CCDC38: variants seen among roughly 807,000 people sequenced by gnomAD.
CCDC38 encodes the protein coiled-coil domain containing 38, also known as coiled-coil domain-containing protein 38.
A neutral mutation model predicts 72.8 loss-of-function variants in CCDC38; 69 were observed. The ratio of observed to expected loss-of-function variants is 0.95; its 90% CI spans 0.78 to 1.16. The LOEUF (loss-of-function observed/expected upper bound fraction) is 1.16, where lower values mean the gene tolerates loss of function less well. Among genes scored for constraint, CCDC38 ranks in the 50% most tolerant of loss-of-function variants. The pLI, the probability that CCDC38 is intolerant of heterozygous loss-of-function variation, is 0.00. For missense variants in CCDC38, 626 were observed against 638.9 expected (o/e 0.98, Z 0.22); for synonymous variants, 201 against 213.2 (o/e 0.94, Z 0.50).
chr12:95,890,689 G>T, intron 9 of CCDC38, 143 bp downstream of exon 9: 3 of 542,100 alleles, frequency 5.5e-6, no homozygotes, highest in Non-Finnish European at 9.9e-6. Flanking sequence ...GTGAGAGAGA[G>T]AACCAGAGCC....
intron 14 of CCDC38, 174 bp from the exon 15 acceptor site, chr12:95,869,747 C>T (rs2079560325): frequency 1.9e-6 from 1 of 533,628 alleles, no homozygotes; most frequent in African/African-American, 2.0e-5. Context: ...TAAATCTCGA[C>T]AACAAATACT....
intron 10 of CCDC38, chr12:95,885,064 C>T (rs1398667929): frequency 6.6e-6 from 1 of 152,160 alleles, no homozygotes; most frequent in African/African-American, 2.4e-5. Flanking sequence ...GAATAGCCAA[C>T]ACAGTTTTGA....
intron 2 of CCDC38, among the ~76,000 whole-genome samples, chr12:95,925,145 C>T (rs2080254817): frequency 6.6e-6 from 1 of 151,902 alleles, no homozygotes; most frequent in Non-Finnish European, 1.5e-5. Context: ...TGGCCATTTT[C>T]ACGATATTGA....
At chr12:95,896,261 G>A (rs2079888161) in intron 7 of CCDC38, among the ~76,000 whole-genome samples, 2 of 152,012 alleles carry the variant, frequency 1.3e-5, no homozygotes, top group South Asian at 4.2e-4. Context: ...TCAAACCTAG[G>A]TCCATCTGAC....
intron 2 of CCDC38, among the ~76,000 whole-genome samples, chr12:95,930,014 C>T (rs2080320670): frequency 6.6e-6 from 1 of 151,982 alleles, no homozygotes. Flanking sequence ...TAGGGCCCAC[C>T]CTAAATTCAG....
intron 4 of CCDC38, among the ~76,000 whole-genome samples, chr12:95,912,675 G>C (rs1056240963): frequency 6.6e-6 from 1 of 152,152 alleles, no homozygotes; most frequent in African/African-American, 2.4e-5. Context: ...TCATTACTCC[G>C]ATTTGATTAT....
At chr12:95,878,449 T>C in intron 12 of CCDC38, 103 bp from the exon 13 acceptor site, 1 of 1,123,692 alleles carries the variant, frequency 8.9e-7, no homozygotes, top group Non-Finnish European at 1.3e-6. Context: ...AAAATCCATG[T>C]AGTGAGCCAA....
At chr12:95,927,327 T>G (rs997531119) in intron 2 of CCDC38, among the ~76,000 whole-genome samples, 7 of 151,724 alleles carry the variant, frequency 4.6e-5, no homozygotes, top group Admixed American at 3.9e-4. Context: ...TTTGTTGGTT[T>G]AAAGTCTGTT....
chr12:95,932,764 A>G (rs953552546), intron 2 of CCDC38, among the ~76,000 whole-genome samples: 13 of 152,240 alleles, frequency 8.5e-5, no homozygotes, highest in Middle Eastern at 3.2e-3. Context: ...CTCTAAATAA[A>G]CTTGATAAGT....
chr12:95,913,228 C>T (rs78593820), intron 4 of CCDC38, among the ~76,000 whole-genome samples: 12,923 of 152,268 alleles, frequency 0.085, 765 homozygotes, highest in Non-Finnish European at 0.12. Flanking sequence ...ATTACCCTCT[C>T]TCCATGCCTC....
At chr12:95,876,201 G>A (rs1275147763) in intron 13 of CCDC38, among the ~76,000 whole-genome samples, 1 of 152,170 alleles carries the variant, frequency 6.6e-6, no homozygotes, top group Non-Finnish European at 1.5e-5. Context: ...GACACAAAAG[G>A]ACCAATATTG....
chr12:95,888,942 G>A (rs377730746), intron 9 of CCDC38: 24 of 148,040 alleles, frequency 1.6e-4, no homozygotes, highest in Middle Eastern at 2.6e-3. Context: ...ATAAATACAC[G>A]GTGAGTAAAG....
At chr12:95,920,296 T>C (rs1458231951) in intron 2 of CCDC38, among the ~76,000 whole-genome samples, 1 of 152,202 alleles carries the variant, frequency 6.6e-6, no homozygotes, top group Non-Finnish European at 1.5e-5. Context: ...CTCTCTTGCC[T>C]GCCACCATAT....
chr12:95,878,435 T>A, intron 12 of CCDC38, 89 bp from the exon 13 acceptor site: 2 of 1,307,744 alleles, frequency 1.5e-6, no homozygotes, highest in Non-Finnish European at 2.1e-6. Flanking sequence ...CTAGATCATG[T>A]GTCAAAATCC....
In CCDC38 at chr12:95,918,640, T is replaced by C. The variant is rs756526105; in HGVS notation, c.138+236A>G. On this transcript the variant is annotated intron_variant, in intron 3 of 15. Coordinates refer to ENST00000344280, the MANE Select transcript of CCDC38 (RefSeq NM_182496.3). ...GGACAGTGTACCATACGTGTCCTAC[T>C]GGACTGCAGTGGTATATCTCTCTTC... 9.2e-5 allele frequency among the ~76,000 whole-genome samples: 14 copies of C among 152,358 alleles called. 1 individual carries two copies. The Middle Eastern group carries it at 0.014, about 148-fold the overall frequency.
intron 5 of CCDC38, among the ~76,000 whole-genome samples, chr12:95,905,856 G>A (rs2079995518): frequency 1.3e-5 from 2 of 152,016 alleles, no homozygotes; most frequent in South Asian, 2.1e-4. Flanking sequence ...AGTTTTTGAT[G>A]GCAGGAAAAA....
At chr12:95,869,417 ATT>A in intron 15 of CCDC38, 61 bp downstream of exon 15, 1 of 1,226,432 alleles carries the variant, frequency 8.2e-7, no homozygotes, top group South Asian at 1.3e-5. Flanking sequence ...CGAATAAAGT[ATT>A]TTGTTTTTGT....
chr12:95,922,783 C>T (rs540269318), intron 2 of CCDC38, among the ~76,000 whole-genome samples: 23 of 151,786 alleles, frequency 1.5e-4, no homozygotes, highest in East Asian at 5.8e-4. Flanking sequence ...GAAGTGTAGA[C>T]GAGCAAAGCC....
At chr12:95,903,717 T>C (rs952269519) in intron 5 of CCDC38, 1 of 381,068 alleles carries the variant, frequency 2.6e-6, no homozygotes, top group South Asian at 8.0e-5. Context: ...TAAATTACTT[T>C]TGTATTCTTA....
Sources: allele counts gnomAD v4.1 joint callset (sites outside exome capture counted in the v4.1 genomes callset), GRCh38; gene constraint gnomAD v4.1.1; transcripts MANE v1.5; gene names NCBI Gene and HGNC (gene_info 2026-07-23, HGNC 2026-07-21).